LAMB4: variants seen among roughly 807,000 people sequenced by gnomAD.
LAMB4 encodes laminin subunit beta 4.
In LAMB4, 196 loss-of-function variants were observed where a neutral mutation model predicts 199.2. The observed-to-expected ratio is 0.98, with a 90% CI of 0.88 to 1.11. The LOEUF is 1.11. LAMB4 is among the 50% of genes least tolerant of loss of function. The pLI, the probability that LAMB4 is intolerant of heterozygous loss-of-function variation, is 0.00. For synonymous variants in LAMB4, 744 were observed against 770.6 expected (o/e 0.97, Z 0.57); for missense variants, 2,080 against 2,171.2 (o/e 0.96, Z 0.83).
rs113663459 is a variant in LAMB4 at position 108,129,704 on chromosome 7, G to A, written c.-34+602C>T. On this transcript the variant is annotated intron_variant, in intron 1 of 33. Transcript: ENST00000388781. ...AGGCATGTGCCACTACGGCTGTATA[G>A]TTTTTACAGAGATGGGGTTTCGCCA... Among the ~76,000 whole-genome samples the A allele has an allele frequency of 4.3e-4, 66 of 152,056 alleles. 1 individual carries two copies. The highest frequency in any genetic ancestry group is 1.4e-3 in the African/African-American group (60 of 41,498).
intron 11 of LAMB4, among the ~76,000 whole-genome samples, chr7:108,096,613 GTATGGTATGTAAAT>G (rs1563088967): frequency 6.6e-6 from 1 of 151,990 alleles, no homozygotes; most frequent in Non-Finnish European, 1.5e-5. Context: ...AGGGTGAATT[GTATGGTATGTAAAT>G]TATATTCAAT....
At chr7:108,036,889 TTTTC>T (rs1394153613) in intron 30 of LAMB4, among the ~76,000 whole-genome samples, 11 of 149,064 alleles carry the variant, frequency 7.4e-5, no homozygotes, top group African/African-American at 2.0e-4. Context: ...TTTGCCATTA[TTTTC>T]AATGGCAAAA....
At position 108,023,971 on chromosome 7, in the gene LAMB4, C is replaced by A. The variant is rs2034747541; in HGVS notation, c.*68G>T. Reference sequence around the variant, plus strand: ...CATTGTCAGTATTTCACAGGTTCAACAGAGCCCCAGGGGCTTGTACATCAG... The same window carrying A: ...CATTGTCAGTATTTCACAGGTTCAAAAGAGCCCCAGGGGCTTGTACATCAG... On this transcript the variant is annotated 3_prime_UTR_variant, in exon 34 of 34. Coordinates refer to ENST00000388781, the MANE Select transcript of LAMB4 (RefSeq NM_007356.3). 1 of 1,380,218 alleles carries A rather than the reference C, an allele frequency of 7.2e-7. No individual in the cohort carries two copies. Among genetic ancestry groups the A allele is most frequent in the South Asian group, 1.5e-5 (1 of 65,328 alleles). The allele number at this position is 1,380,218 out of a possible 1,614,324, so 85.5% of individuals were successfully genotyped here.
chr7:108,127,126 G>A (rs2038818045), intron 1 of LAMB4, among the ~76,000 whole-genome samples: 1 of 151,398 alleles, frequency 6.6e-6, no homozygotes, highest in Non-Finnish European at 1.5e-5. Flanking sequence ...CTAAGAGAAG[G>A]GCATAACCCA....
intron 29 of LAMB4, 98 bp downstream of exon 29, chr7:108,043,654 A>G: frequency 3.3e-6 from 1 of 306,560 alleles, no homozygotes; most frequent in Non-Finnish European, 4.5e-6. Context: ...ATCTCGGCTC[A>G]CTGCAAGCTC....
At chr7:108,046,046 C>T (rs1351808557) in intron 28 of LAMB4, among the ~76,000 whole-genome samples, 3 of 151,810 alleles carry the variant, frequency 2.0e-5, no homozygotes, top group African/African-American at 7.3e-5. Flanking sequence ...ATATTTCCTT[C>T]TTGTTCAGGA....
intron 11 of LAMB4, among the ~76,000 whole-genome samples, chr7:108,098,142 G>A (rs1170287965): frequency 6.6e-6 from 1 of 152,066 alleles, no homozygotes; most frequent in Non-Finnish European, 1.5e-5. Flanking sequence ...AAACCAGCCT[G>A]GCCAACATGG....
At chr7:108,020,599 C>T (rs1264314054), downstream of LAMB4, among the ~76,000 whole-genome samples, 1 of 151,844 alleles carries the variant, frequency 6.6e-6, no homozygotes, top group Non-Finnish European at 1.5e-5. Flanking sequence ...TGGCTACTCA[C>T]ATTAAATCCT....
At chr7:108,064,993 A>T (rs945750789) in intron 21 of LAMB4, among the ~76,000 whole-genome samples, 1 of 150,734 alleles carries the variant, frequency 6.6e-6, no homozygotes, top group African/African-American at 2.4e-5. Context: ...GTAGCCATGA[A>T]CTCCTGGGCT....
At chr7:108,039,231 T>TA (rs1341160406) in intron 29 of LAMB4, among the ~76,000 whole-genome samples, 2 of 152,150 alleles carry the variant, frequency 1.3e-5, no homozygotes, top group Non-Finnish European at 2.9e-5. Flanking sequence ...CTAAGGAACT[T>TA]ACACTGTTCA....
At chr7:108,053,939 G>A (rs1181166271) in intron 25 of LAMB4, among the ~76,000 whole-genome samples, 1 of 152,200 alleles carries the variant, frequency 6.6e-6, no homozygotes, top group Non-Finnish European at 1.5e-5. Context: ...GGATAGTTCA[G>A]TAAAAATATG....
chr7:108,046,391 A>G (rs2035626570), intron 28 of LAMB4, among the ~76,000 whole-genome samples: 1 of 151,972 alleles, frequency 6.6e-6, no homozygotes, highest in African/African-American at 2.4e-5. Context: ...GCACCCGGCC[A>G]GGAGTGGGCT....
chr7:108,066,548 T>A lies in LAMB4; in HGVS notation c.2499A>T (p.Thr833=). The change falls in exon 20 of 34, where the codon ACA becomes ACT. Residue 833 remains threonine (T), a synonymous_variant. Coordinates refer to ENST00000388781, the MANE Select transcript of LAMB4 (RefSeq NM_007356.3). ...GSKDTVCDQV[T]GQCPCHGEVS... is the part of the protein sequence containing the mutation. Reference sequence around the variant, plus strand: ...CCTCTCCATGGCAGGGGCACTGTCCTGTTACTTGGTCACATACAGTGTCCT... The same window carrying A: ...CCTCTCCATGGCAGGGGCACTGTCCAGTTACTTGGTCACATACAGTGTCCT... The A allele has an allele frequency of 6.2e-7, 1 of 1,613,650 alleles. No homozygotes were observed. Among genetic ancestry groups the A allele is most frequent in the Non-Finnish European group, 8.5e-7 (1 of 1,179,826 alleles).
intron 20 of LAMB4, 46 bp from the exon 21 acceptor site, chr7:108,065,965 C>T (rs779166602): frequency 6.4e-7 from 1 of 1,564,648 alleles, no homozygotes; most frequent in East Asian, 2.2e-5. Context: ...AGGAAAAGAT[C>T]ACATGTTAGC....
chr7:108,117,892 G>A (rs914916890), intron 2 of LAMB4, among the ~76,000 whole-genome samples: 15 of 152,202 alleles, frequency 9.9e-5, no homozygotes, highest in South Asian at 4.2e-4. Context: ...GGTCACTGTC[G>A]CGGCCATCTT....
At chr7:108,090,648 A>G (rs527983626) in intron 14 of LAMB4, among the ~76,000 whole-genome samples, 2 of 152,314 alleles carry the variant, frequency 1.3e-5, no homozygotes, top group East Asian at 1.9e-4. Context: ...TGCTACAACC[A>G]TCTATTTTAG....
chr7:108,046,729 G>A (rs1339265694), intron 28 of LAMB4, among the ~76,000 whole-genome samples: 2 of 151,708 alleles, frequency 1.3e-5, no homozygotes, highest in Non-Finnish European at 2.9e-5. Context: ...TATCAACAGG[G>A]GAATGAGTTC....
chr7:108,078,278 G>C lies in LAMB4; in HGVS notation c.1926C>G (p.Pro642=), dbSNP rs1338528702. 1.9e-6 allele frequency: 3 copies of C among 1,610,368 alleles called. No individual in the cohort carries two copies. The highest frequency in any genetic ancestry group is 2.5e-6 in the Non-Finnish European group (3 of 1,178,486). The change falls in exon 16 of 34, where the codon CCC becomes CCG. Residue 642 remains proline, a synonymous_variant. Transcript: ENST00000388781. ...ADWTVQIVVN[P]PGGSEHCIPK... is the part of the protein sequence containing the mutation. ...GTATGCAGTGCTCACTCCCTCCAGG[G>C]GGGTTCACCACAATCTGGACAGTCC...
chr7:108,047,635 A>G (rs1343785101), intron 28 of LAMB4, among the ~76,000 whole-genome samples: 1 of 152,178 alleles, frequency 6.6e-6, no homozygotes, highest in African/African-American at 2.4e-5. Context: ...TAAATTTTCA[A>G]TTGTAGAGTG....
Sources: allele counts gnomAD v4.1 joint callset (sites outside exome capture counted in the v4.1 genomes callset), GRCh38; gene constraint gnomAD v4.1.1; transcripts MANE v1.5; gene names NCBI Gene and HGNC (gene_info 2026-07-23, HGNC 2026-07-21).